The following MAPKAP1 variants were observed in gnomAD, a reference collection of about 807,000 sequenced individuals.
The protein encoded by MAPKAP1 is target of rapamycin complex 2 subunit MAPKAP1.
MAPKAP1 carries 20 observed loss-of-function variants against 65.7 expected under a neutral mutation model. The ratio of observed to expected loss-of-function variants is 0.30; its 90% CI spans 0.21 to 0.44. MAPKAP1 has a LOEUF of 0.44. MAPKAP1 is among the 20% of genes least tolerant of loss of function. MAPKAP1 has a pLI of 1.00. For missense variants in MAPKAP1, 423 were observed against 648.0 expected (o/e 0.65, Z 3.77); for synonymous variants, 222 against 244.3 (o/e 0.91, Z 0.85).
intron 7 of MAPKAP1, among the ~76,000 whole-genome samples, chr9:125,522,435 T>G (rs1227655335): frequency 2.0e-5 from 3 of 152,202 alleles, no homozygotes; most frequent in African/African-American, 7.2e-5. Context: ...ACTGTAGATA[T>G]GAAGATGAAC....
At chr9:125,584,362 T>C (rs1831716155) in intron 5 of MAPKAP1, among the ~76,000 whole-genome samples, 1 of 152,220 alleles carries the variant, frequency 6.6e-6, no homozygotes, top group South Asian at 2.1e-4. Context: ...AAATTTAATA[T>C]ACCTAAAGAA....
rs769571755 is a variant in MAPKAP1 at position 125,438,907 on chromosome 9, TCTC to T, written c.1546_1548del (p.Glu516del). The T allele has an allele frequency of 1.4e-5, 23 of 1,614,088 alleles. No homozygotes were observed. The highest frequency in any genetic ancestry group is 1.7e-5 in the Non-Finnish European group (20 of 1,180,026). On this transcript the variant is annotated inframe_deletion, in exon 12 of 12. Coordinates refer to ENST00000265960, the MANE Select transcript of MAPKAP1 (RefSeq NM_001006617.3). ...CAGTGTCACTGCTGCCCGGATTTCT[TCTC>T]CTTCTGGAAGCTGAAGCTCGTACGT...
At chr9:125,658,018 A>G (rs1412004286) in intron 3 of MAPKAP1, among the ~76,000 whole-genome samples, 5 of 152,196 alleles carry the variant, frequency 3.3e-5, no homozygotes, top group African/African-American at 1.2e-4. Flanking sequence ...GAAGGGGTTA[A>G]GGGAGGGGGA....
intron 5 of MAPKAP1, 108 bp downstream of exon 5, chr9:125,585,447 G>C: frequency 8.4e-7 from 1 of 1,197,076 alleles, no homozygotes; most frequent in Non-Finnish European, 1.2e-6. Flanking sequence ...GATCAGTGCA[G>C]AAGTGTGGTT....
intron 1 of MAPKAP1, 107 bp from the exon 2 acceptor site, chr9:125,672,750 T>C: frequency 1.5e-6 from 1 of 681,416 alleles, no homozygotes; most frequent in African/African-American, 1.8e-5. Flanking sequence ...AAAATCAACA[T>C]TTATCCCTGT....
intron 4 of MAPKAP1, among the ~76,000 whole-genome samples, chr9:125,634,550 G>C (rs763747561): frequency 1.3e-5 from 2 of 152,088 alleles, no homozygotes; most frequent in Non-Finnish European, 1.5e-5. Flanking sequence ...CAAGGTTTGG[G>C]GGAGGAAAAA....
At chr9:125,680,300 C>T (rs1394091602) in intron 1 of MAPKAP1, among the ~76,000 whole-genome samples, 1 of 151,854 alleles carries the variant, frequency 6.6e-6, no homozygotes, top group African/African-American at 2.4e-5. Context: ...ACCAACAGAC[C>T]CTCTTTTTTT....
intron 4 of MAPKAP1, among the ~76,000 whole-genome samples, chr9:125,646,919 C>T (rs1172592369): frequency 2.0e-5 from 3 of 152,208 alleles, no homozygotes; most frequent in Admixed American, 6.5e-5. Flanking sequence ...GCCTCAGAGT[C>T]GCTGCACCAC....
intron 7 of MAPKAP1, among the ~76,000 whole-genome samples, chr9:125,528,418 G>C (rs1829834230): frequency 6.6e-6 from 1 of 152,232 alleles, no homozygotes. Flanking sequence ...TCAAGGAGGG[G>C]TGCTGGTAGC....
intron 7 of MAPKAP1, among the ~76,000 whole-genome samples, chr9:125,527,218 C>T (rs1829798401): frequency 6.6e-6 from 1 of 152,118 alleles, no homozygotes; most frequent in African/African-American, 2.4e-5. Flanking sequence ...AGGCGTGTGC[C>T]ACCATGCCCA....
At chr9:125,521,185 C>T (rs915993243) in intron 7 of MAPKAP1, among the ~76,000 whole-genome samples, 4 of 152,232 alleles carry the variant, frequency 2.6e-5, no homozygotes, top group African/African-American at 9.6e-5. Flanking sequence ...GGCGCAGACC[C>T]TTCACTACCA....
At chr9:125,562,152 G>C (rs1329204715) in intron 5 of MAPKAP1, among the ~76,000 whole-genome samples, 1 of 152,196 alleles carries the variant, frequency 6.6e-6, no homozygotes, top group African/African-American at 2.4e-5. Context: ...GATCAAAGCA[G>C]AAAAGTCCAA....
chr9:125,620,433 G>A (rs1421538446), intron 4 of MAPKAP1, among the ~76,000 whole-genome samples: 2 of 152,188 alleles, frequency 1.3e-5, no homozygotes, highest in Non-Finnish European at 2.9e-5. Flanking sequence ...GAGCAATCCC[G>A]AAGGAGACAA....
chr9:125,624,497 G>T (rs1221249769), intron 4 of MAPKAP1, among the ~76,000 whole-genome samples: 1 of 88,212 alleles, frequency 1.1e-5, no homozygotes, highest in African/African-American at 3.9e-5. Flanking sequence ...GCCTCTGCCC[G>T]GCCGCCCCTA....
At chr9:125,468,332 G>A (rs1479676745) in intron 9 of MAPKAP1, among the ~76,000 whole-genome samples, 2 of 152,150 alleles carry the variant, frequency 1.3e-5, no homozygotes, top group African/African-American at 4.8e-5. Context: ...TGAGTTGAGG[G>A]TGGGGGAACC....
rs1275952091 is a variant in MAPKAP1 at position 125,625,751 on chromosome 9, C to A, written c.498+31900G>T. ...CAGAGGTTGCAGTGAGCCGAGATTG[C>A]ACCACTGTATTCCAGCCTGTGTGAC... On this transcript the variant is annotated intron_variant, in intron 4 of 11. Transcript: ENST00000265960. Among the ~76,000 whole-genome samples the A allele has an allele frequency of 2.0e-5, 3 of 152,156 alleles. No homozygotes were observed. In the East Asian group the frequency reaches 5.8e-4, roughly 29 times the overall value.
At chr9:125,679,582 T>G (rs1834760866) in intron 1 of MAPKAP1, among the ~76,000 whole-genome samples, 1 of 152,168 alleles carries the variant, frequency 6.6e-6, no homozygotes, top group Non-Finnish European at 1.5e-5. Context: ...AGGGTTTACT[T>G]TAAATATCTA....
intron 6 of MAPKAP1, among the ~76,000 whole-genome samples, chr9:125,544,568 G>C (rs925540243): frequency 5.9e-5 from 9 of 152,128 alleles, no homozygotes; most frequent in Non-Finnish European, 1.3e-4. Context: ...AATTGCAATA[G>C]CAAGTATCAC....
At chr9:125,587,724 A>G (rs1045182606) in intron 4 of MAPKAP1, among the ~76,000 whole-genome samples, 2 of 152,224 alleles carry the variant, frequency 1.3e-5, no homozygotes, top group African/African-American at 2.4e-5. Context: ...ATAATTCAAT[A>G]AGAAGACAAA....
Sources: allele counts gnomAD v4.1 joint callset (sites outside exome capture counted in the v4.1 genomes callset), GRCh38; gene constraint gnomAD v4.1.1; transcripts MANE v1.5; gene names NCBI Gene and HGNC (gene_info 2026-07-23, HGNC 2026-07-21).